KMT5B: variants seen among roughly 807,000 people sequenced by gnomAD.
KMT5B encodes the protein lysine methyltransferase 5B, also known as histone-lysine N-methyltransferase KMT5B.
A neutral mutation model predicts 83.2 loss-of-function variants in KMT5B; 10 were observed. That is an observed-to-expected ratio of 0.12 (90% CI 0.07 to 0.20). The LOEUF (loss-of-function observed/expected upper bound fraction) is 0.20, where lower values mean the gene tolerates loss of function less well. KMT5B is among the 10% of genes least tolerant of loss of function. The pLI is 1.00. For missense variants in KMT5B, 753 were observed against 1,067.2 expected (o/e 0.71, Z 4.10); for synonymous variants, 349 against 388.8 (o/e 0.90, Z 1.20).
chr11:68,171,475 A>T lies in KMT5B; in HGVS notation c.820+68T>A. On this transcript the variant is annotated intron_variant, in intron 7 of 10. Coordinates refer to ENST00000304363, the MANE Select transcript of KMT5B (RefSeq NM_017635.5). This position sits in a 1 kb window ranked among gnomAD's most constrained non-coding sequence, Gnocchi z 5.1. The stretch of plus-strand genomic sequence containing the variant: ...GAAGATAAAGGTTTGACTGAGGTTG[A>T]CAAGGCCATTCTAGCAGTTAGCAGG... The T allele has an allele frequency of 6.6e-7, 1 of 1,512,212 alleles. No homozygotes were observed. Among genetic ancestry groups the T allele is most frequent in the Non-Finnish European group, 9.0e-7 (1 of 1,108,360 alleles). The allele number at this position is 1,512,212 out of a possible 1,614,324, so 93.7% of individuals were successfully genotyped here.
At position 68,171,846 on chromosome 11, in the gene KMT5B, T is replaced by TC; in HGVS notation, c.654-138dup. 1.5e-6 allele frequency: 1 copy of TC among 689,084 alleles called. No homozygotes were observed. The highest frequency in any genetic ancestry group is 2.4e-6 in the Non-Finnish European group (1 of 416,614). 42.7% of individuals were successfully genotyped at this position (689,084 alleles called of 1,614,324 possible). A position where few individuals can be genotyped will look rare whatever the true frequency, so the allele number is the denominator to read the frequency against. ...CTATACTTTAGTTAGCTCACTGGGA[T>TC]CCCCACCTGGCTATCTTCTCTCCTA... On this transcript the variant is annotated intron_variant, in intron 6 of 10. Transcript: ENST00000304363. The surrounding 1 kb of genome is among the most constrained non-coding windows in gnomAD (Gnocchi z 5.1).
In KMT5B at chr11:68,192,126, T is replaced by C. The variant is rs555665216; in HGVS notation, c.-76-1974A>G. Among the ~76,000 whole-genome samples the C allele has an allele frequency of 8.5e-5, 13 of 152,310 alleles. No homozygotes were observed. The East Asian group carries it at 2.5e-3, about 29-fold the overall frequency. ...CCTAGGTTTGTGTAAGTACACTCTA[T>C]GACAACTGCATGACAACAAAACCAC... On this transcript the variant is annotated intron_variant, in intron 1 of 10. Transcript: ENST00000304363.
At chr11:68,176,946 T>C (rs1856445931) in intron 4 of KMT5B, among the ~76,000 whole-genome samples, 1 of 152,190 alleles carries the variant, frequency 6.6e-6, no homozygotes. Flanking sequence ...ATGCTAAAAT[T>C]GAGGTAAGAT....
At chr11:68,178,953 A>T (rs1856645526) in intron 4 of KMT5B, among the ~76,000 whole-genome samples, 1 of 152,214 alleles carries the variant, frequency 6.6e-6, no homozygotes, top group Non-Finnish European at 1.5e-5. Context: ...TTGTTCCACA[A>T]ATGAGGAAAA....
chr11:68,174,340 C>A, intron 5 of KMT5B: 1 of 321,092 alleles, frequency 3.1e-6, no homozygotes, highest in Middle Eastern at 4.7e-4. Context: ...TAGCTGAACA[C>A]CTCTAAACAA....
Position 68,185,771 on chromosome 11 carries a change from T to C in KMT5B, c.308+10A>G. On this transcript the variant is annotated intron_variant, in intron 3 of 10. Transcript: ENST00000304363. ...CATCTGTTCCATTCAGGATAAAGAC[T>C]GAAAATTACCTAGTATTCATTTTGT... 6.2e-7 allele frequency: 1 copy of C among 1,610,892 alleles called. No individual in the cohort carries two copies. Among genetic ancestry groups the C allele is most frequent in the Non-Finnish European group, 8.5e-7 (1 of 1,178,010 alleles).
At chr11:68,197,167 G>A (rs1858825030) in intron 1 of KMT5B, among the ~76,000 whole-genome samples, 1 of 152,028 alleles carries the variant, frequency 6.6e-6, no homozygotes, top group African/African-American at 2.4e-5. Context: ...TAGACACGGG[G>A]TTTCACCATG....
intron 1 of KMT5B, among the ~76,000 whole-genome samples, chr11:68,210,250 G>C (rs181508660): frequency 1.3e-5 from 2 of 152,026 alleles, no homozygotes; most frequent in Non-Finnish European, 2.9e-5. Flanking sequence ...AAGCTTTGGG[G>C]GGGGGGACAC....
chr11:68,212,908 C>T (rs1481140498), intron 1 of KMT5B, among the ~76,000 whole-genome samples: 1 of 147,218 alleles, frequency 6.8e-6, no homozygotes, highest in Admixed American at 6.7e-5. Context: ...GCCGCTACCG[C>T]TCCCTTCCGG....
chr11:68,181,158 T>A (rs1471847043), intron 3 of KMT5B, among the ~76,000 whole-genome samples: 1 of 151,584 alleles, frequency 6.6e-6, no homozygotes, highest in Non-Finnish European at 1.5e-5. Flanking sequence ...CACTGCAACC[T>A]CTGCCTCCCA....
At chr11:68,165,601 AGCTGGG>A (rs771174420) in intron 10 of KMT5B, 167 of 492,508 alleles carry the variant, frequency 3.4e-4, no homozygotes, top group Non-Finnish European at 4.7e-4. Flanking sequence ...CCTCCCATGT[AGCTGGG>A]GCTACAGGTG....
rs1253160331 is a variant in KMT5B, at chr11:68,157,504, G to A, written c.*184C>T. 3.5e-6 allele frequency: 3 copies of A among 849,414 alleles called. No homozygotes were observed. Among genetic ancestry groups the A allele is most frequent in the South Asian group, 4.8e-5 (1 of 20,834 alleles). The allele number at this position is 849,414 out of a possible 1,614,324, so 52.6% of individuals were successfully genotyped here. ...CGTAAGAAGGCTATTTAAAAAGTAC[G>A]ATAAAAATTTGCACAAATCAGACTT... On this transcript the variant is annotated 3_prime_UTR_variant, in exon 11 of 11. Coordinates refer to ENST00000304363, the MANE Select transcript of KMT5B (RefSeq NM_017635.5).
Position 68,180,348 on chromosome 11 carries a change from C to T in KMT5B, c.309-148G>A, listed in dbSNP as rs140498536. 444 of 1,040,842 alleles carry T rather than the reference C, an allele frequency of 4.3e-4. No homozygotes were observed. In the African/African-American group the frequency reaches 5.1e-3, roughly 12 times the overall value. The allele number at this position is 1,040,842 out of a possible 1,614,324, so 64.5% of individuals were successfully genotyped here. On this transcript the variant is annotated intron_variant, in intron 3 of 10. Transcript: ENST00000304363. ...AGAACTTTAAGATACCACAGGTGGGCGCGGCAGGATAGAAGCCATGCTGCT... is the reference window on the plus strand; with the variant it reads ...AGAACTTTAAGATACCACAGGTGGGTGCGGCAGGATAGAAGCCATGCTGCT...
Position 68,175,036 on chromosome 11 carries a change from C to T in KMT5B, c.525G>A (p.Glu175=). The T allele has an allele frequency of 6.2e-7, 1 of 1,613,836 alleles. No homozygotes were observed. Among genetic ancestry groups the T allele is most frequent in the Non-Finnish European group, 8.5e-7 (1 of 1,179,838 alleles). The change falls in exon 5 of 11, where the codon GAG becomes GAA. Residue 175 remains glutamate (E), a synonymous_variant. Coordinates refer to ENST00000304363, the MANE Select transcript of KMT5B (RefSeq NM_017635.5). ...AACTTACATGTTCTTTGAATAATTT[C>T]TCCTGCATTTTATTCTTGTTGAGAA... ...HYFLNKNKMQ[E]KLFKEHVFIY...
chr11:68,208,748 G>A (rs752367866), intron 1 of KMT5B, among the ~76,000 whole-genome samples: 3 of 152,122 alleles, frequency 2.0e-5, no homozygotes, highest in African/African-American at 4.8e-5. Flanking sequence ...CACTTTGGGA[G>A]GCCAAGGCGA....
rs145682055 is a variant in KMT5B, at chr11:68,177,767, C to T, written c.377+2365G>A. On this transcript the variant is annotated intron_variant, in intron 4 of 10. Coordinates refer to ENST00000304363, the MANE Select transcript of KMT5B (RefSeq NM_017635.5). ...TGCAAGTCCTTTAAACAATTCAGAACGTCTTACTAGTCTGTCGACATATGG... is the reference window on the plus strand; with the variant it reads ...TGCAAGTCCTTTAAACAATTCAGAATGTCTTACTAGTCTGTCGACATATGG... Among the ~76,000 whole-genome samples the T allele has an allele frequency of 1.5e-3, 232 of 152,238 alleles. 1 individual carries two copies. The highest frequency in any genetic ancestry group is 2.2e-3 in the African/African-American group (90 of 41,546).
At chr11:68,213,578 G>C (rs1055149716), upstream of KMT5B, 1 of 152,354 alleles carries the variant, frequency 6.6e-6, no homozygotes, top group South Asian at 1.8e-4. Flanking sequence ...GTTCCCGGGC[G>C]TCCTCACCTC....
intron 1 of KMT5B, among the ~76,000 whole-genome samples, chr11:68,202,731 T>G (rs555921060): frequency 6.6e-6 from 1 of 151,462 alleles, no homozygotes; most frequent in African/African-American, 2.4e-5. Context: ...GTATTTTTAG[T>G]AGACACGGGG....
At chr11:68,187,204 T>C (rs1008633524) in intron 2 of KMT5B, among the ~76,000 whole-genome samples, 6 of 151,982 alleles carry the variant, frequency 3.9e-5, no homozygotes, top group Non-Finnish European at 8.8e-5. Flanking sequence ...CGCCATATTG[T>C]CCAGGCTGGT....
Sources: gnomAD v4.1 joint callset for allele counts (sites outside exome capture counted in the v4.1 genomes callset) on GRCh38, gnomAD v4.1.1 for gene constraint, Gnocchi (gnomAD v3.1) non-coding constraint, MANE v1.5 for transcripts, NCBI Gene and HGNC (gene_info 2026-07-23, HGNC 2026-07-21) for gene names.